KNL1: variants seen among roughly 807,000 people sequenced by gnomAD.
KNL1 encodes kinetochore scaffold 1.
A neutral mutation model predicts 201.3 loss-of-function variants in KNL1; 66 were observed. The observed-to-expected ratio is 0.33, with a 90% CI of 0.27 to 0.40. The LOEUF is 0.40. Ranked by LOEUF, KNL1 falls within the 10% of genes least tolerant of loss-of-function variation. The pLI, the probability that KNL1 is intolerant of heterozygous loss-of-function variation, is 1.00. For synonymous variants in KNL1, 895 were observed against 899.2 expected (o/e 1.00, Z 0.08); for missense variants, 2,815 against 2,690.5 (o/e 1.05, Z -1.02).
chr15:40,653,245 G>A (rs1159137459), intron 21 of KNL1, among the ~76,000 whole-genome samples: 2 of 152,142 alleles, frequency 1.3e-5, no homozygotes, highest in East Asian at 1.9e-4. Context: ...CTGAAGTGCA[G>A]TAGTGCAATC....
intron 22 of KNL1, among the ~76,000 whole-genome samples, chr15:40,655,857 A>T (rs984852393): frequency 1.3e-5 from 2 of 151,160 alleles, no homozygotes; most frequent in Non-Finnish European, 1.5e-5. Context: ...CGGAGCTTGC[A>T]GTGAGCCGAG....
chr15:40,599,687 A>G (rs1448961839), intron 1 of KNL1, among the ~76,000 whole-genome samples: 4 of 151,532 alleles, frequency 2.6e-5, no homozygotes, highest in African/African-American at 9.7e-5. Flanking sequence ...CCAGCCCTTA[A>G]CTTTTTTCTT....
rs888520018 is a variant in KNL1 at position 40,605,007 on chromosome 15, A to G, written c.36-103A>G. 9.2e-5 allele frequency: 61 copies of G among 661,574 alleles called. 1 individual carries two copies. In the East Asian group the frequency reaches 1.5e-3, roughly 17 times the overall value. The allele number at this position is 661,574 out of a possible 1,614,324, so 41.0% of individuals were successfully genotyped here. A position where few individuals can be genotyped will look rare whatever the true frequency, so the allele number is the denominator to read the frequency against. On this transcript the variant is annotated intron_variant, in intron 2 of 25. Coordinates refer to ENST00000399668, the MANE Select transcript of KNL1 (RefSeq NM_144508.5). The stretch of plus-strand genomic sequence containing the variant: ...TTTGCTTGCCAGAGTGCTAAGAGAA[A>G]GTGATGACCAGTTTGAAAGCATGTA...
rs970811918 is a variant in KNL1 at position 40,625,015 on chromosome 15, A to G, written c.4751A>G (p.Glu1584Gly). ...ACTGTTCATCTACCACCCCTTCCAG[A>G]GCAATTACTTGAATTAGGAAATAAG... ...FQTVHLPPLPEQLLELGNKAH... is the reference protein window; with the variant it reads ...FQTVHLPPLPGQLLELGNKAH... Residue 1584 changes from glutamate (E) to glycine (G), a missense_variant, in exon 10 of 26, where the codon GAG becomes GGG. Glu to Gly is a moderately conservative substitution (Grantham distance 98). Transcript: ENST00000399668. 2 of 1,613,982 alleles carry G rather than the reference A, an allele frequency of 1.2e-6. No individual in the cohort carries two copies.
In KNL1 at chr15:40,660,226, C is replaced by CT. The variant is rs1431582739; in HGVS notation, c.6836+766dup. On this transcript the variant is annotated intron_variant, in intron 25 of 25. Transcript: ENST00000399668. ...TTCTTAAAGTTATTGACCTTCATTG[C>CT]TATCTCCAGTGGATGCTGGAGACCA... is the stretch of plus-strand genomic sequence containing the variant. 6.6e-5 allele frequency among the ~76,000 whole-genome samples: 10 copies of CT among 152,158 alleles called. No individual in the cohort carries two copies. In the East Asian group the frequency reaches 1.7e-3, roughly 26 times the overall value.
intron 17 of KNL1, among the ~76,000 whole-genome samples, chr15:40,648,872 C>A (rs1772140106): frequency 6.7e-6 from 1 of 149,930 alleles, no homozygotes; most frequent in Non-Finnish European, 1.5e-5. Flanking sequence ...CTGTCGTTAC[C>A]CAGGCTGGAG....
intron 2 of KNL1, 63 bp downstream of exon 2, chr15:40,603,029 A>G: frequency 9.5e-7 from 1 of 1,048,212 alleles, no homozygotes. Context: ...TTTTCTAATT[A>G]GTAAGACCTA....
At chr15:40,627,187 G>A (rs377486114) in intron 10 of KNL1, among the ~76,000 whole-genome samples, 27 of 152,174 alleles carry the variant, frequency 1.8e-4, no homozygotes, top group African/African-American at 5.8e-4. Context: ...GAGCCACAGC[G>A]CCCAGCCCCC....
intron 1 of KNL1, among the ~76,000 whole-genome samples, chr15:40,601,333 CT>C (rs1891785644): frequency 6.6e-6 from 1 of 152,166 alleles, no homozygotes; most frequent in Admixed American, 6.5e-5. Flanking sequence ...AAACTGATCC[CT>C]GGTTTGGAAA....
At chr15:40,648,602 A>T (rs1213306926) in intron 17 of KNL1, among the ~76,000 whole-genome samples, 1 of 152,112 alleles carries the variant, frequency 6.6e-6, no homozygotes, top group Non-Finnish European at 1.5e-5. Context: ...CAGCTTCAGC[A>T]TCTCATGTGT....
Position 40,606,850 on chromosome 15 carries a change from C to G in KNL1, c.135+398C>G, listed in dbSNP as rs550994827. Among the ~76,000 whole-genome samples the G allele has an allele frequency of 3.3e-5, 5 of 152,324 alleles. No individual in the cohort carries two copies. In the East Asian group the frequency reaches 7.7e-4, roughly 24 times the overall value. Reference sequence around the variant, plus strand: ...TCATGGCTCACTGCAACCTCCTCCCCCTGGGCTCAAGAGATCCTCCCACCT... The same window carrying G: ...TCATGGCTCACTGCAACCTCCTCCCGCTGGGCTCAAGAGATCCTCCCACCT... On this transcript the variant is annotated intron_variant, in intron 4 of 25. Transcript: ENST00000399668.
intron 21 of KNL1, among the ~76,000 whole-genome samples, chr15:40,653,233 G>A (rs1317369443): frequency 6.6e-6 from 1 of 151,670 alleles, no homozygotes; most frequent in Non-Finnish European, 1.5e-5. Flanking sequence ...CTTCCACCCA[G>A]GCTGAAGTGC....
chr15:40,638,187 CAAAA>C (rs1396105169), intron 13 of KNL1, among the ~76,000 whole-genome samples: 10 of 130,610 alleles, frequency 7.7e-5, no homozygotes, highest in Middle Eastern at 9.7e-3. Context: ...GACTCTATCT[CAAAA>C]GAAAGAAAGA....
rs1293651371 is a variant in KNL1 at position 40,624,022 on chromosome 15, A to T, written c.3758A>T (p.Asp1253Val). The T allele has an allele frequency of 6.2e-7, 1 of 1,614,006 alleles. No individual in the cohort carries two copies. Among genetic ancestry groups the T allele is most frequent in the Non-Finnish European group, 8.5e-7 (1 of 1,179,924 alleles). The change falls in exon 10 of 26, where the codon GAT (aspartate) becomes GTT (valine). Residue 1253 changes from aspartate to valine, a missense_variant. By Grantham distance (152) the Asp-to-Val change is radical (BLOSUM62 -3). Around this residue, in one of 3 missense-constraint regions of KNL1, gnomAD observed 2,464 missense variants for 2,291.7 expected, o/e 1.08. Transcript: ENST00000399668. ...ATCAAATTTCATAGTGCTGCTATGG[A>T]TGAAAAGGTCATAGGGAAAGTTGTA... ...EIIKFHSAAM[D>V]EKVIGKVVDQ...
In KNL1 at chr15:40,662,118, A is replaced by G; in HGVS notation, c.6881A>G (p.Asn2294Ser). The change falls in exon 26 of 26, where the codon AAC becomes AGC. Residue 2294 changes from asparagine to serine, a missense_variant. Coordinates refer to ENST00000399668, the MANE Select transcript of KNL1 (RefSeq NM_144508.5). Reference sequence around the variant, plus strand: ...ATTCTATCTAAAGTGCCACTGGAGAACAACTACCTGAAGAATGTAGTCAAG... The same window carrying G: ...ATTCTATCTAAAGTGCCACTGGAGAGCAACTACCTGAAGAATGTAGTCAAG... ...ATILSKVPLE[N>S]NYLKNVVKQI... 6.2e-7 allele frequency: 1 copy of G among 1,612,658 alleles called. No homozygotes were observed. Among genetic ancestry groups the G allele is most frequent in the Non-Finnish European group, 8.5e-7 (1 of 1,178,658 alleles).
intron 13 of KNL1, among the ~76,000 whole-genome samples, chr15:40,634,100 G>GTTGT (rs376595445): frequency 2.9e-4 from 44 of 151,306 alleles, no homozygotes; most frequent in Non-Finnish European, 2.4e-4. Flanking sequence ...TGTTGTTGTT[G>GTTGT]TTGTTTGTTT....
chr15:40,628,275 C>T lies in KNL1; in HGVS notation c.5515+67C>T, dbSNP rs1023178713. The stretch of plus-strand genomic sequence containing the variant: ...TACTTAACTAATAATAAGTAGTTTT[C>T]AGTTCAGGAAATATTTGAATGTTGT... On this transcript the variant is annotated intron_variant, in intron 11 of 25. Coordinates refer to ENST00000399668, the MANE Select transcript of KNL1 (RefSeq NM_144508.5). The T allele has an allele frequency of 1.8e-5, 27 of 1,468,058 alleles. No individual in the cohort carries two copies. The African/African-American group carries it at 3.3e-4, about 18-fold the overall frequency. 90.9% of individuals were successfully genotyped at this position (1,468,058 alleles called of 1,614,324 possible).
intron 11 of KNL1, 33 bp from the exon 12 acceptor site, chr15:40,628,578 C>T (rs1892815939): frequency 6.9e-7 from 1 of 1,443,048 alleles, no homozygotes; most frequent in South Asian, 1.2e-5. Flanking sequence ...TTAGTTTTGA[C>T]TTGTTCGTCA....
intron 13 of KNL1, 36 bp downstream of exon 13, chr15:40,629,407 A>G: frequency 1.4e-6 from 2 of 1,380,502 alleles, no homozygotes; most frequent in Non-Finnish European, 2.0e-6. Context: ...TTTGCATCAA[A>G]GCAAACATTT....
Sources: gnomAD v4.1 joint callset for allele counts (sites outside exome capture counted in the v4.1 genomes callset) on GRCh38, gnomAD v4.1.1 for gene constraint, gnomAD v4.1.1 regional missense constraint, MANE v1.5 for transcripts, NCBI Gene and HGNC (gene_info 2026-07-23, HGNC 2026-07-21) for gene names.